Variants in TLN2 observed in about 807,000 individuals in gnomAD.
The protein encoded by TLN2 is talin-2.
Under a neutral mutation model 294.7 loss-of-function variants are expected in TLN2, and 118 were observed. That is an observed-to-expected ratio of 0.40 (90% confidence interval 0.34 to 0.47). TLN2 has a LOEUF of 0.47. Among genes scored for constraint, TLN2 ranks in the 20% least tolerant of loss-of-function variants. The pLI is 0.84. For missense variants in TLN2, 3,083 were observed against 3,282.2 expected (o/e 0.94, Z 1.48); for synonymous variants, 1,431 against 1,304.5 (o/e 1.10, Z -2.09).
At chr15:62,790,728 C>G (rs1460203401) in intron 45 of TLN2, among the ~76,000 whole-genome samples, 1 of 152,322 alleles carries the variant, frequency 6.6e-6, no homozygotes, top group East Asian at 1.9e-4. Context: ...TTGTTTGAAA[C>G]TTTAATGGGG....
chr15:62,548,634 G>T (rs1363396569), intron 1 of TLN2, among the ~76,000 whole-genome samples: 1 of 152,108 alleles, frequency 6.6e-6, no homozygotes, highest in Non-Finnish European at 1.5e-5. Flanking sequence ...TGGCAGCCAG[G>T]GGAAATGCCA....
chr15:62,455,423 C>T (rs990519679), intron 1 of TLN2, among the ~76,000 whole-genome samples: 5 of 152,050 alleles, frequency 3.3e-5, no homozygotes, highest in Non-Finnish European at 7.4e-5. Flanking sequence ...GATGGTACAG[C>T]GCAGTAGGAG....
rs148921307 is a variant in TLN2, at chr15:62,763,414, G to T, written c.4962-149G>T. The T allele has an allele frequency of 6.2e-6, 6 of 973,776 alleles. 1 individual carries two copies. In the South Asian group the frequency reaches 9.1e-5, roughly 15 times the overall value. 60.3% of individuals were successfully genotyped at this position (973,776 alleles called of 1,614,324 possible). ...GAATGCATGGGCTGTGCAGTGAGAC[G>T]TTGCCAACCAGGGGTCAGGGATTCC... On this transcript the variant is annotated intron_variant, in intron 39 of 58. Coordinates refer to ENST00000636159, the MANE Select transcript of TLN2 (RefSeq NM_015059.3).
chr15:62,486,452 G>GTTTTTT (rs34975634), intron 1 of TLN2, among the ~76,000 whole-genome samples: 4 of 93,292 alleles, frequency 4.3e-5, no homozygotes, highest in Non-Finnish European at 9.0e-5. Flanking sequence ...CAGTTCCTTT[G>GTTTTTT]TTTTTTTTTT....
At chr15:62,746,609 T>C (rs547015005) in intron 32 of TLN2, among the ~76,000 whole-genome samples, 1 of 152,374 alleles carries the variant, frequency 6.6e-6, no homozygotes, top group East Asian at 1.9e-4. Flanking sequence ...TCATTTTCTG[T>C]CTAATTTGAT....
At chr15:62,562,074 G>GA (rs1355062049) in intron 1 of TLN2, among the ~76,000 whole-genome samples, 4 of 151,996 alleles carry the variant, frequency 2.6e-5, no homozygotes, top group Non-Finnish European at 5.9e-5. Flanking sequence ...TCAAATTCGC[G>GA]ATACCTGGCA....
In TLN2 at chr15:62,415,485, A is replaced by G. The variant is rs550623361; in HGVS notation, c.-238+24800A>G. Among the ~76,000 whole-genome samples the G allele has an allele frequency of 9.6e-4, 138 of 143,318 alleles. 15 individuals are homozygous for G. The highest frequency in any genetic ancestry group is 3.4e-3 in the African/African-American group (137 of 40,220). 94.0% of individuals were successfully genotyped at this position (143,318 alleles called of 152,430 possible). ...TGTTTAAGAAACGTTTCCTGGTGGA[A>G]CAAATGATTCCAACTGAAACAAACT... On this transcript the variant is annotated intron_variant, in intron 1 of 58. Transcript: ENST00000636159.
At chr15:62,497,175 G>A (rs934870115) in intron 1 of TLN2, among the ~76,000 whole-genome samples, 1 of 152,186 alleles carries the variant, frequency 6.6e-6, no homozygotes, top group East Asian at 1.9e-4. Context: ...ATACATAGCA[G>A]AGATTCAATA....
intron 2 of TLN2, among the ~76,000 whole-genome samples, chr15:62,607,838 T>C (rs990251791): frequency 6.6e-6 from 1 of 152,200 alleles, no homozygotes; most frequent in African/African-American, 2.4e-5. Context: ...ACCCACACAT[T>C]AGTGGAACTG....
intron 1 of TLN2, among the ~76,000 whole-genome samples, chr15:62,402,308 A>G (rs2033084701): frequency 1.3e-5 from 2 of 152,188 alleles, no homozygotes; most frequent in Non-Finnish European, 2.9e-5. Flanking sequence ...TGATAACCGC[A>G]CCTCCAGCAA....
intron 1 of TLN2, among the ~76,000 whole-genome samples, chr15:62,395,176 C>G (rs867846756): frequency 1.6e-5 from 2 of 121,900 alleles, no homozygotes; most frequent in Non-Finnish European, 1.6e-5. Context: ...CATTGTGTTC[C>G]GAGGAGGTGA....
At chr15:62,401,520 T>G (rs2033019999) in intron 1 of TLN2, among the ~76,000 whole-genome samples, 2 of 152,216 alleles carry the variant, frequency 1.3e-5, no homozygotes, top group Admixed American at 1.3e-4. Context: ...TCTTCTGCAC[T>G]GTTCCTGGAC....
chr15:62,581,093 C>A lies in TLN2; in HGVS notation c.-237-8594C>A, dbSNP rs146871205. ...GAGATGGGGTTTCACCATGTTGGCC[C>A]GGATGGTCTCCTAACACCTCAAGTG... On this transcript the variant is annotated intron_variant, in intron 1 of 58. Coordinates refer to ENST00000636159, the MANE Select transcript of TLN2 (RefSeq NM_015059.3). 5.6e-3 allele frequency among the ~76,000 whole-genome samples: 846 copies of A among 151,922 alleles called. 5 individuals carry two copies. Among genetic ancestry groups the A allele is most frequent in the African/African-American group, 0.016 (650 of 41,414 alleles).
chr15:62,782,288 G>T (rs1553102), intron 44 of TLN2, among the ~76,000 whole-genome samples: 149,547 of 152,328 alleles, frequency 0.98, 73,468 homozygotes, highest in Middle Eastern at 1. Flanking sequence ...ATTCGGGCTG[G>T]GGAATGGTAC....
chr15:62,697,491 T>C (rs2058428132), intron 14 of TLN2, among the ~76,000 whole-genome samples, 197 bp from the exon 15 acceptor site: 2 of 152,248 alleles, frequency 1.3e-5, no homozygotes, highest in South Asian at 2.1e-4. Context: ...ACATTACTTA[T>C]CATAAAAGGA....
chr15:62,746,976 C>T (rs1220724952), intron 32 of TLN2, among the ~76,000 whole-genome samples: 2 of 152,026 alleles, frequency 1.3e-5, no homozygotes, highest in Admixed American at 1.3e-4. Context: ...AGCGTGGTAT[C>T]GACAAAACAT....
chr15:62,424,691 C>T lies in TLN2; in HGVS notation c.-238+34006C>T, dbSNP rs576463777. On this transcript the variant is annotated intron_variant, in intron 1 of 58. Coordinates refer to ENST00000636159, the MANE Select transcript of TLN2 (RefSeq NM_015059.3). ...TTTTTGAGATAGAGTCTTTCTCTGT[C>T]ACCCAGGCTGGAGTCTAGTGGCCCA... is the stretch of plus-strand genomic sequence containing the variant. Among the ~76,000 whole-genome samples, 39 of 152,224 alleles carry T rather than the reference C, an allele frequency of 2.6e-4. 2 individuals carry two copies. In the South Asian group the frequency reaches 4.2e-3, roughly 16 times the overall value.
At chr15:62,751,452 C>CT (rs1368410550) in intron 34 of TLN2, among the ~76,000 whole-genome samples, 4 of 152,290 alleles carry the variant, frequency 2.6e-5, no homozygotes, top group African/African-American at 9.6e-5. Context: ...GAAATGGTTC[C>CT]TTTTTTGCAA....
In TLN2 at chr15:62,800,356, GCT is replaced by G. The variant is rs747839830; in HGVS notation, c.6235-7_6235-6del. On this transcript the variant is annotated splice_polypyrimidine_tract_variant and intron_variant, in intron 48 of 58. Coordinates refer to ENST00000636159, the MANE Select transcript of TLN2 (RefSeq NM_015059.3). ...TGACGCCTGCTCACCTGAGTTCTGT[GCT>G]CTCTTTCAGGTGGTTTTGATCAATG... 5.6e-6 allele frequency: 9 copies of G among 1,612,848 alleles called. No individual in the cohort carries two copies. Among genetic ancestry groups the G allele is most frequent in the Admixed American group, 1.7e-5 (1 of 59,932 alleles).
Sources: gnomAD v4.1 joint callset for allele counts (sites outside exome capture counted in the v4.1 genomes callset) on GRCh38, gnomAD v4.1.1 for gene constraint, MANE v1.5 for transcripts, NCBI Gene and HGNC (gene_info 2026-07-23, HGNC 2026-07-21) for gene names.